Variants in CACNA2D4 observed in about 807,000 individuals in gnomAD.
CACNA2D4 encodes voltage-dependent calcium channel subunit alpha-2/delta-4.
In CACNA2D4, 157 loss-of-function variants were observed where a neutral mutation model predicts 163.8. The observed-to-expected ratio is 0.96, with a 90% confidence interval of 0.84 to 1.09. The LOEUF (loss-of-function observed/expected upper bound fraction) is 1.09. Among genes scored for constraint, CACNA2D4 ranks in the 50% least tolerant of loss-of-function variants. The pLI, the probability that CACNA2D4 is intolerant of heterozygous loss-of-function variation, is 0.00. For synonymous variants in CACNA2D4, 598 were observed against 586.9 expected (o/e 1.02, Z -0.27); for missense variants, 1,410 against 1,479.9 (o/e 0.95, Z 0.78).
chr12:1,852,610 T>C (rs1865308355), intron 23 of CACNA2D4, among the ~76,000 whole-genome samples: 1 of 152,094 alleles, frequency 6.6e-6, no homozygotes, highest in Non-Finnish European at 1.5e-5. Context: ...TGCTATTTTA[T>C]ATTAACTTCC....
chr12:1,838,814 C>T (rs939953403), intron 26 of CACNA2D4, among the ~76,000 whole-genome samples: 1 of 152,120 alleles, frequency 6.6e-6, no homozygotes, highest in African/African-American at 2.4e-5. Flanking sequence ...GCAGCACAGG[C>T]GCAGGCTTGG....
chr12:1,903,991 G>T (rs1210472742), intron 6 of CACNA2D4, among the ~76,000 whole-genome samples: 1 of 152,036 alleles, frequency 6.6e-6, no homozygotes, highest in Admixed American at 6.6e-5. Context: ...AACATTAGAA[G>T]AATGGATAAA....
In CACNA2D4 at chr12:1,829,811, G is replaced by C. The variant is rs1018155963; in HGVS notation, c.2551+10928C>G. On this transcript the variant is annotated intron_variant, in intron 26 of 37. Coordinates refer to ENST00000382722, the MANE Select transcript of CACNA2D4 (RefSeq NM_172364.5). The surrounding 1 kb of genome is among the most constrained non-coding windows in gnomAD (Gnocchi z 4.2). Reference sequence around the variant, plus strand: ...TGGCTGGGGTCTTTTCTCTAGGCTGGGTGGAACTGACCTCGGCTGGGCTGA... The same window carrying C: ...TGGCTGGGGTCTTTTCTCTAGGCTGCGTGGAACTGACCTCGGCTGGGCTGA... Among the ~76,000 whole-genome samples, 2 of 151,852 alleles carry C rather than the reference G, an allele frequency of 1.3e-5. No individual in the cohort carries two copies. The highest frequency in any genetic ancestry group is 4.8e-5 in the African/African-American group (2 of 41,380).
At position 1,918,445 on chromosome 12, in the gene CACNA2D4, G is replaced by C. The variant is rs1330311725; in HGVS notation, c.29C>G (p.Pro10Arg). 1 of 1,580,422 alleles carries C rather than the reference G, an allele frequency of 6.3e-7. No individual in the cohort carries two copies. Among genetic ancestry groups the C allele is most frequent in the Non-Finnish European group, 8.6e-7 (1 of 1,163,680 alleles). The stretch of plus-strand genomic sequence containing the variant: ...CATGGTGGGCCTGGGGTTGGGGAGG[G>C]GAAGGAGGGCAGAGCAGCCACAGAC... MVCGCSALL[P>R]LPNPRPTMPA... The change falls in exon 1 of 38, where the codon CCC becomes CGC. Residue 10 changes from proline to arginine, a missense_variant. By Grantham distance (103) the Pro-to-Arg change is moderately radical. Coordinates refer to ENST00000382722, the MANE Select transcript of CACNA2D4 (RefSeq NM_172364.5).
At chr12:1,809,320 G>A in intron 29 of CACNA2D4, 1 of 567,918 alleles carries the variant, frequency 1.8e-6, no homozygotes, top group South Asian at 2.3e-5. Flanking sequence ...AGAGCCCTCA[G>A]CTGGGGCTGG....
At chr12:1,831,064 T>A in intron 26 of CACNA2D4, 1 of 1,614,072 alleles carries the variant, frequency 6.2e-7, no homozygotes. Flanking sequence ...CCCCCAGACG[T>A]GCCCGCAGCC....
Position 1,878,552 on chromosome 12 carries a change from G to A in CACNA2D4, c.1645-163C>T. On this transcript the variant is annotated intron_variant, in intron 15 of 37. Coordinates refer to ENST00000382722, the MANE Select transcript of CACNA2D4 (RefSeq NM_172364.5). This position sits in a 1 kb window ranked among gnomAD's most constrained non-coding sequence, Gnocchi z 4.6. ...GAGCCAGTGCCATGCTTCCATCATTGATTGAGGAGTCCTTTCCAAACCGGA... is the reference window on the plus strand; with the variant it reads ...GAGCCAGTGCCATGCTTCCATCATTAATTGAGGAGTCCTTTCCAAACCGGA... 7.6e-7 allele frequency: 1 copy of A among 1,321,762 alleles called. No individual in the cohort carries two copies. Among genetic ancestry groups the A allele is most frequent in the Non-Finnish European group, 1.0e-6 (1 of 952,760 alleles). The allele number at this position is 1,321,762 out of a possible 1,614,324, so 81.9% of individuals were successfully genotyped here.
At chr12:1,860,405 C>T (rs909686256) in intron 18 of CACNA2D4, among the ~76,000 whole-genome samples, 199 bp from the exon 19 acceptor site, 1 of 152,240 alleles carries the variant, frequency 6.6e-6, no homozygotes, top group Non-Finnish European at 1.5e-5. Flanking sequence ...AAACTGCAGC[C>T]CTTTGGGGCG....
intron 6 of CACNA2D4, among the ~76,000 whole-genome samples, chr12:1,902,670 T>G (rs2470429): frequency 0.91 from 138,863 of 152,120 alleles, 63,578 homozygotes; most frequent in East Asian, 0.99. Flanking sequence ...AAAGTGAAAG[T>G]TCTCTACAAG....
At chr12:1,892,279 A>G (rs926160086) in intron 6 of CACNA2D4, among the ~76,000 whole-genome samples, 17 of 152,232 alleles carry the variant, frequency 1.1e-4, no homozygotes, top group African/African-American at 1.2e-4. Context: ...TGGAAAAGGA[A>G]AAAAACTGCT....
intron 26 of CACNA2D4, among the ~76,000 whole-genome samples, chr12:1,839,387 A>G (rs1194103255): frequency 1.3e-5 from 2 of 152,244 alleles, no homozygotes; most frequent in African/African-American, 4.8e-5. Context: ...ACAGCTAGGC[A>G]GAGACACCAA....
chr12:1,888,314 A>G (rs1866200075), intron 6 of CACNA2D4, among the ~76,000 whole-genome samples: 1 of 152,176 alleles, frequency 6.6e-6, no homozygotes, highest in South Asian at 2.1e-4. Flanking sequence ...CTCAAGTCCA[A>G]GCGGAAACAG....
chr12:1,810,701 G>A (rs1461656548), intron 27 of CACNA2D4, 114 bp from the exon 28 acceptor site: 65 of 1,085,972 alleles, frequency 6.0e-5, no homozygotes, highest in Non-Finnish European at 1.4e-5. Context: ...ATGTGTGCAT[G>A]GGGTGTGTAT....
intron 27 of CACNA2D4, among the ~76,000 whole-genome samples, chr12:1,811,386 T>C (rs1863703191): frequency 1.3e-5 from 2 of 152,114 alleles, no homozygotes; most frequent in South Asian, 4.1e-4. Context: ...TCGAGGTGGC[T>C]CTCCCTTTTC....
intron 35 of CACNA2D4, among the ~76,000 whole-genome samples, chr12:1,796,148 G>C (rs1863118324): frequency 6.6e-6 from 1 of 152,236 alleles, no homozygotes; most frequent in Non-Finnish European, 1.5e-5. Flanking sequence ...GAGGGTGGCG[G>C]GGGCAGGCCC....
In CACNA2D4 at chr12:1,908,807, G is replaced by A. The variant is rs1222053735; in HGVS notation, c.487-770C>T. On this transcript the variant is annotated intron_variant, in intron 4 of 37. Transcript: ENST00000382722. ...CACGCCAACTCCCACGCCGGACAGC[G>A]TTATGGACATCCCCACGCCAACTCC... is the stretch of plus-strand genomic sequence containing the variant. Among the ~76,000 whole-genome samples the A allele has an allele frequency of 2.1e-5, 2 of 93,258 alleles. 1 individual carries two copies. Among genetic ancestry groups the A allele is most frequent in the Non-Finnish European group, 3.7e-5 (2 of 53,362 alleles). The allele number at this position is 93,258 out of a possible 152,430, so 61.2% of individuals were successfully genotyped here.
chr12:1,801,170 C>A, intron 30 of CACNA2D4, 52 bp from the exon 31 acceptor site: 1 of 1,502,046 alleles, frequency 6.7e-7, no homozygotes, highest in Non-Finnish European at 9.3e-7. Context: ...CCACCCCCTG[C>A]CCCTGCCTCA....
At chr12:1,896,652 C>A (rs867079346) in intron 6 of CACNA2D4, among the ~76,000 whole-genome samples, 11,865 of 117,082 alleles carry the variant, frequency 0.1, 645 homozygotes, top group South Asian at 0.14. Flanking sequence ...CACACACACA[C>A]ACAAAACAGA....
Position 1,856,209 on chromosome 12 carries a change from G to T in CACNA2D4, c.2029C>A (p.Pro677Thr). The T allele has an allele frequency of 6.2e-7, 1 of 1,614,030 alleles. No homozygotes were observed. The highest frequency in any genetic ancestry group is 1.1e-5 in the South Asian group (1 of 91,086). The change falls in exon 21 of 38, where the codon CCA becomes ACA. Residue 677 changes from proline (P) to threonine (T), a missense_variant. Coordinates refer to ENST00000382722, the MANE Select transcript of CACNA2D4 (RefSeq NM_172364.5). The stretch of plus-strand genomic sequence containing the variant: ...CAGTCACCGGCCAGGGCCAGGTCTG[G>T]GTGAAGCAAGTCATGCAGGCCTGAA... ...VEEGLHDLLH[P>T]DLALAGDWIY...
Sources: allele counts gnomAD v4.1 joint callset (sites outside exome capture counted in the v4.1 genomes callset), GRCh38; gene constraint gnomAD v4.1.1; non-coding constraint Gnocchi (gnomAD v3.1); transcripts MANE v1.5; gene names NCBI Gene and HGNC (gene_info 2026-07-23, HGNC 2026-07-21).